The following NLGN1 variants were observed in gnomAD, a reference collection of about 807,000 sequenced individuals.
NLGN1 encodes neuroligin-1.
Under a neutral mutation model 65.5 loss-of-function variants are expected in NLGN1, and 12 were observed. The observed-to-expected ratio is 0.18, with a 90% CI of 0.12 to 0.30. The LOEUF (loss-of-function observed/expected upper bound fraction) is 0.30, where lower values mean the gene tolerates loss of function less well. NLGN1 is among the 10% of genes least tolerant of loss of function. The pLI, the probability that NLGN1 is intolerant of heterozygous loss-of-function variation, is 1.00. For synonymous variants in NLGN1, 350 were observed against 359.5 expected (o/e 0.97, Z 0.30); for missense variants, 750 against 1,007.1 (o/e 0.74, Z 3.46).
exon 7 of NLGN1, chr3:174,284,445 T>C (rs1440233846): frequency 2.0e-5 from 3 of 151,448 alleles, no homozygotes; most frequent in African/African-American, 7.3e-5. Context: ...AGTAACAAAA[T>C]TAAAATAATA....
chr3:173,407,535 A>G (rs929918826), intron 1 of NLGN1, among the ~76,000 whole-genome samples: 2 of 152,234 alleles, frequency 1.3e-5, no homozygotes, highest in African/African-American at 4.8e-5. Flanking sequence ...CTAGAATTTT[A>G]GAAGTATAGG....
chr3:173,599,820 G>A (rs941436849), intron 2 of NLGN1, among the ~76,000 whole-genome samples: 1 of 152,064 alleles, frequency 6.6e-6, no homozygotes, highest in Admixed American at 6.6e-5. Context: ...CTTACAGCAC[G>A]TTTACCATCA....
chr3:173,526,201 T>G (rs571400915), intron 2 of NLGN1, among the ~76,000 whole-genome samples: 8 of 152,206 alleles, frequency 5.3e-5, no homozygotes, highest in Admixed American at 5.2e-4. Flanking sequence ...TTGCTTTCAG[T>G]CTGTTTTCTT....
At chr3:173,743,281 G>A (rs1243015327) in intron 3 of NLGN1, among the ~76,000 whole-genome samples, 1 of 152,140 alleles carries the variant, frequency 6.6e-6, no homozygotes, top group Non-Finnish European at 1.5e-5. Flanking sequence ...CATCTAACAA[G>A]TTGTAACATG....
intron 4 of NLGN1, among the ~76,000 whole-genome samples, chr3:174,268,589 C>T (rs569708604): frequency 3.0e-4 from 46 of 152,118 alleles, no homozygotes; most frequent in African/African-American, 9.9e-4. Flanking sequence ...ATAAATACTT[C>T]GGTCTTATTT....
chr3:173,659,918 A>G (rs752943103), intron 3 of NLGN1, among the ~76,000 whole-genome samples: 23 of 151,936 alleles, frequency 1.5e-4, no homozygotes, highest in Non-Finnish European at 3.2e-4. Context: ...CTTAATAACC[A>G]TCTTGCAGGC....
chr3:173,837,728 C>A (rs1055646013), intron 4 of NLGN1, among the ~76,000 whole-genome samples: 1 of 152,106 alleles, frequency 6.6e-6, no homozygotes, highest in Non-Finnish European at 1.5e-5. Flanking sequence ...AGCATACTTA[C>A]ATATACATTT....
intron 3 of NLGN1, among the ~76,000 whole-genome samples, chr3:173,693,015 T>C (rs965289246): frequency 6.6e-5 from 10 of 152,122 alleles, no homozygotes; most frequent in African/African-American, 2.2e-4. Context: ...ATGGTTCAAA[T>C]TGGTGGCCTA....
chr3:174,286,972 A>G (rs950300488), downstream of NLGN1, among the ~76,000 whole-genome samples: 2 of 151,526 alleles, frequency 1.3e-5, no homozygotes, highest in African/African-American at 4.8e-5. Flanking sequence ...TAAATTAATG[A>G]CTTTTTGCAT....
At chr3:173,699,970 T>C (rs897810417) in intron 3 of NLGN1, among the ~76,000 whole-genome samples, 14 of 152,230 alleles carry the variant, frequency 9.2e-5, no homozygotes, top group African/African-American at 3.4e-4. Flanking sequence ...AGTGGAACTT[T>C]GGCTGAAAAG....
At chr3:174,067,575 C>A (rs1738908171) in intron 4 of NLGN1, among the ~76,000 whole-genome samples, 2 of 152,102 alleles carry the variant, frequency 1.3e-5, no homozygotes, top group South Asian at 4.1e-4. Context: ...GATCTGAGTA[C>A]ATTTCTATGA....
intron 3 of NLGN1, among the ~76,000 whole-genome samples, chr3:173,612,746 T>C (rs575089060): frequency 5.2e-4 from 79 of 152,228 alleles, no homozygotes; most frequent in African/African-American, 1.8e-3. Flanking sequence ...TACCACAAAC[T>C]GGGTAGCGTA....
intron 3 of NLGN1, among the ~76,000 whole-genome samples, chr3:173,658,785 G>T (rs3915435): frequency 0.019 from 2,868 of 152,070 alleles, 99 homozygotes; most frequent in African/African-American, 0.064. Flanking sequence ...GCTCTACGAA[G>T]AGGCCCCAAA....
chr3:173,818,340 A>T (rs1719462848), intron 4 of NLGN1, among the ~76,000 whole-genome samples: 1 of 152,172 alleles, frequency 6.6e-6, no homozygotes, highest in Admixed American at 6.6e-5. Flanking sequence ...ACAAAAATGA[A>T]TTTTTTTGAA....
At chr3:173,458,775 GGTT>G (rs1221297510) in intron 2 of NLGN1, among the ~76,000 whole-genome samples, 1 of 152,110 alleles carries the variant, frequency 6.6e-6, no homozygotes, top group Non-Finnish European at 1.5e-5. Flanking sequence ...GAAGTTTTAA[GGTT>G]GTTTAATTCA....
At chr3:174,203,309 T>G (rs4404456) in intron 4 of NLGN1, among the ~76,000 whole-genome samples, 33,910 of 152,074 alleles carry the variant, frequency 0.22, 4,234 homozygotes, top group African/African-American at 0.34. Context: ...AATCCTTATT[T>G]GAAGGTCCAC....
intron 4 of NLGN1, among the ~76,000 whole-genome samples, chr3:173,871,224 A>G (rs1033966513): frequency 6.6e-6 from 1 of 152,168 alleles, no homozygotes; most frequent in African/African-American, 2.4e-5. Flanking sequence ...ATTTCACCCT[A>G]TGTGCCTCTT....
At chr3:173,581,112 C>G (rs1045783328) in intron 2 of NLGN1, among the ~76,000 whole-genome samples, 2 of 151,904 alleles carry the variant, frequency 1.3e-5, no homozygotes, top group Admixed American at 1.3e-4. Flanking sequence ...TGGTTATTTC[C>G]AGGAAATCTA....
intron 3 of NLGN1, among the ~76,000 whole-genome samples, chr3:173,765,306 T>C (rs780152829): frequency 2.0e-5 from 3 of 152,038 alleles, no homozygotes; most frequent in Non-Finnish European, 2.9e-5. Context: ...GAAAATTTCA[T>C]TGGGTTGATA....
Sources: allele counts gnomAD v4.1 joint callset (sites outside exome capture counted in the v4.1 genomes callset), GRCh38; gene constraint gnomAD v4.1.1; transcripts MANE v1.5; gene names NCBI Gene and HGNC (gene_info 2026-07-23, HGNC 2026-07-21).